Variants in CTNNA2 observed in about 807,000 individuals in gnomAD.
CTNNA2 encodes the protein catenin alpha 2.
CTNNA2 carries 42 observed loss-of-function variants against 101.0 expected under a neutral mutation model. The ratio of observed to expected loss-of-function variants is 0.42; its 90% confidence interval spans 0.32 to 0.54. CTNNA2 has a LOEUF of 0.54. Among genes scored for constraint, CTNNA2 ranks in the 20% least tolerant of loss-of-function variants. CTNNA2 has a pLI of 0.14. For synonymous variants in CTNNA2, 450 were observed against 456.4 expected (o/e 0.99, Z 0.18); for missense variants, 871 against 1,223.1 (o/e 0.71, Z 4.29).
chr2:80,179,732 C>T (rs1705646483), intron 7 of CTNNA2, among the ~76,000 whole-genome samples: 1 of 152,154 alleles, frequency 6.6e-6, no homozygotes, highest in Admixed American at 6.5e-5. Flanking sequence ...TCTGCAATCC[C>T]TCCAGAGATG....
chr2:79,515,492 G>T (rs562914911), intron 1 of CTNNA2, among the ~76,000 whole-genome samples: 9 of 152,278 alleles, frequency 5.9e-5, no homozygotes, highest in Non-Finnish European at 1.0e-4. Flanking sequence ...CTGCAGAGTG[G>T]TGTGGGTGTA....
chr2:79,290,488 C>G (rs2104375998), intron 2 of CTNNA2, among the ~76,000 whole-genome samples: 1 of 152,240 alleles, frequency 6.6e-6, no homozygotes, highest in Non-Finnish European at 1.5e-5. Context: ...TTTCCCAAGA[C>G]CACCCTGGCC....
At chr2:80,578,098 G>A (rs1416886196) in intron 13 of CTNNA2, among the ~76,000 whole-genome samples, 1 of 152,138 alleles carries the variant, frequency 6.6e-6, no homozygotes. Context: ...CATGTGGTAT[G>A]ACCCTGGTCA....
At chr2:80,619,362 G>A (rs994236306) in intron 18 of CTNNA2, 134 bp downstream of exon 18, 21 of 988,934 alleles carry the variant, frequency 2.1e-5, no homozygotes, top group Non-Finnish European at 2.4e-5. Flanking sequence ...TTGGGCAAAG[G>A]ACTTATTTAT....
intron 15 of CTNNA2, among the ~76,000 whole-genome samples, chr2:80,600,874 G>A (rs1052467837): frequency 2.0e-5 from 3 of 151,988 alleles, no homozygotes; most frequent in Admixed American, 6.6e-5. Flanking sequence ...GTCAGTATAC[G>A]ACTTTAATTA....
chr2:80,146,019 G>T (rs1175939636), intron 7 of CTNNA2, among the ~76,000 whole-genome samples: 1 of 152,180 alleles, frequency 6.6e-6, no homozygotes. Flanking sequence ...TGGCCATGCT[G>T]TAGGAGATCT....
intron 2 of CTNNA2, among the ~76,000 whole-genome samples, chr2:79,259,944 TA>T (rs1302843559): frequency 1.3e-5 from 2 of 152,220 alleles, no homozygotes; most frequent in African/African-American, 4.8e-5. Context: ...ACATTAGGGC[TA>T]AATGTATTTT....
chr2:79,245,392 G>A (rs1208382129), intron 2 of CTNNA2, among the ~76,000 whole-genome samples: 1 of 152,238 alleles, frequency 6.6e-6, no homozygotes, highest in Admixed American at 6.5e-5. Flanking sequence ...AGAGGTTGCA[G>A]TCAGCTGAGA....
chr2:80,610,327 G>A lies in CTNNA2; in HGVS notation c.2430+2009G>A, dbSNP rs1234810924. Among the ~76,000 whole-genome samples the A allele has an allele frequency of 2.6e-5, 4 of 151,540 alleles. No individual in the cohort carries two copies. The East Asian group carries it at 7.8e-4, about 30-fold the overall frequency. ...CTTACTGTGCAAAATAGCCACAAAT[G>A]ACTGCTTTCAAAGTTCTGAAAGAGT... On this transcript the variant is annotated intron_variant, in intron 17 of 18. Coordinates refer to ENST00000402739, the MANE Select transcript of CTNNA2 (RefSeq NM_001282597.3).
At chr2:80,013,910 G>A (rs1019887133) in intron 7 of CTNNA2, among the ~76,000 whole-genome samples, 1 of 152,150 alleles carries the variant, frequency 6.6e-6, no homozygotes, top group Admixed American at 6.5e-5. Flanking sequence ...CAGCCTACCA[G>A]GTCTAGGAGG....
At chr2:80,030,068 A>G (rs997408790) in intron 7 of CTNNA2, among the ~76,000 whole-genome samples, 13 of 152,144 alleles carry the variant, frequency 8.5e-5, no homozygotes, top group African/African-American at 2.2e-4. Flanking sequence ...AGCTGAAAAC[A>G]GCAAGCTCAT....
chr2:80,516,372 C>A (rs1292254432), intron 9 of CTNNA2, among the ~76,000 whole-genome samples: 2 of 152,096 alleles, frequency 1.3e-5, no homozygotes, highest in African/African-American at 4.8e-5. Flanking sequence ...CGGTCCTTAC[C>A]GTTTTGCCTC....
chr2:80,601,421 C>CTTTTTTTTTTTTTTTTTTTTTTTT (rs56921519), intron 15 of CTNNA2, among the ~76,000 whole-genome samples: 9 of 84,406 alleles, frequency 1.1e-4, no homozygotes, highest in African/African-American at 3.3e-4. Flanking sequence ...TTCTTTCTTT[C>CTTTTTTTTTTTTTTTTTTTTTTTT]TTTTTTTTTT....
rs1311238386 is a variant in CTNNA2 at position 79,587,507 on chromosome 2, C to T, written c.-5-64045C>T. Among the ~76,000 whole-genome samples the T allele has an allele frequency of 2.6e-5, 4 of 152,180 alleles. No individual in the cohort carries two copies. In the East Asian group the frequency reaches 7.7e-4, roughly 29 times the overall value. On this transcript the variant is annotated intron_variant, in intron 1 of 18. Transcript: ENST00000402739. Reference sequence around the variant, plus strand: ...CCTTCCTTGCCTTCCTCATCCCTTTCCTGGCCTCTTTCTGTTTCTCACTTC... The same window carrying T: ...CCTTCCTTGCCTTCCTCATCCCTTTTCTGGCCTCTTTCTGTTTCTCACTTC...
intron 16 of CTNNA2, among the ~76,000 whole-genome samples, chr2:80,607,226 A>G (rs1310902757): frequency 6.6e-6 from 1 of 151,854 alleles, no homozygotes; most frequent in Non-Finnish European, 1.5e-5. Flanking sequence ...TATTTCTTAT[A>G]GTATTAAGGA....
At chr2:79,536,574 AGTGTGTGT>A (rs61029469) in intron 1 of CTNNA2, among the ~76,000 whole-genome samples, 1 of 146,714 alleles carries the variant, frequency 6.8e-6, no homozygotes, top group Non-Finnish European at 1.5e-5. Context: ...TCTCTAAAGA[AGTGTGTGT>A]GTGTGTGTGT....
At chr2:79,509,013 A>ATATATATAT (rs1671478933), upstream of CTNNA2, among the ~76,000 whole-genome samples, 1 of 119,348 alleles carries the variant, frequency 8.4e-6, no homozygotes, top group Non-Finnish European at 1.8e-5. Flanking sequence ...ATATATATAT[A>ATATATATAT]AACAATTACC....
intron 2 of CTNNA2, among the ~76,000 whole-genome samples, chr2:79,685,272 C>G (rs1434537862): frequency 2.0e-5 from 3 of 152,120 alleles, no homozygotes; most frequent in Admixed American, 1.3e-4. Flanking sequence ...TATCATTGAA[C>G]AAATATGAAT....
chr2:79,818,206 CAT>C (rs1240394119), intron 3 of CTNNA2, among the ~76,000 whole-genome samples: 8 of 152,152 alleles, frequency 5.3e-5, no homozygotes, highest in African/African-American at 1.9e-4. Context: ...TGTTCACTTT[CAT>C]ATTATTCATT....
Sources: gnomAD v4.1 joint callset for allele counts (sites outside exome capture counted in the v4.1 genomes callset) on GRCh38, gnomAD v4.1.1 for gene constraint, MANE v1.5 for transcripts, NCBI Gene and HGNC (gene_info 2026-07-23, HGNC 2026-07-21) for gene names.